NXPH1: variants seen among roughly 807,000 people sequenced by gnomAD.
NXPH1 encodes the protein neurexophilin-1.
NXPH1 carries 5 observed loss-of-function variants against 23.7 expected under a neutral mutation model. That is an observed-to-expected ratio of 0.21 (90% CI 0.11 to 0.44). The LOEUF (loss-of-function observed/expected upper bound fraction) is 0.44, where lower values mean the gene tolerates loss of function less well. Ranked by LOEUF, NXPH1 falls within the 20% of genes least tolerant of loss-of-function variation. NXPH1 has a pLI of 0.99. For synonymous variants in NXPH1, 144 were observed against 122.2 expected (o/e 1.18, Z -1.18); for missense variants, 324 against 321.6 (o/e 1.01, Z -0.06).
chr7:8,544,548 A>C (rs929954171), intron 2 of NXPH1, among the ~76,000 whole-genome samples: 3 of 151,706 alleles, frequency 2.0e-5, no homozygotes, highest in Admixed American at 2.0e-4. Context: ...GGCATATGCC[A>C]TAAACAAAAG....
At chr7:8,695,354 G>T (rs1029431389) in intron 2 of NXPH1, among the ~76,000 whole-genome samples, 2 of 152,172 alleles carry the variant, frequency 1.3e-5, no homozygotes, top group African/African-American at 4.8e-5. Context: ...GATTGATGGA[G>T]CCAGTTTTCA....
At chr7:8,683,401 G>GA (rs1821088734) in intron 2 of NXPH1, among the ~76,000 whole-genome samples, 1 of 152,072 alleles carries the variant, frequency 6.6e-6, no homozygotes, top group Non-Finnish European at 1.5e-5. Context: ...TAGTGTCTTA[G>GA]AAAAAGAGTG....
intron 2 of NXPH1, among the ~76,000 whole-genome samples, chr7:8,480,422 A>G (rs1441102411): frequency 6.6e-6 from 1 of 152,204 alleles, no homozygotes; most frequent in Non-Finnish European, 1.5e-5. Context: ...TTACCTGGGT[A>G]TGCCCAATGC....
intron 2 of NXPH1, among the ~76,000 whole-genome samples, chr7:8,693,173 C>T (rs536688776): frequency 1.8e-4 from 28 of 152,102 alleles, no homozygotes; most frequent in African/African-American, 3.9e-4. Context: ...CAACCCCCGC[C>T]GCCAAAACAA....
intron 2 of NXPH1, among the ~76,000 whole-genome samples, chr7:8,471,489 C>G (rs143891654): frequency 1.2e-3 from 187 of 152,208 alleles, no homozygotes; most frequent in African/African-American, 4.2e-3. Flanking sequence ...ATGGGGACTG[C>G]TGAATCAATG....
chr7:8,475,125 C>T (rs6947705), intron 2 of NXPH1, among the ~76,000 whole-genome samples: 2,793 of 152,146 alleles, frequency 0.018, 91 homozygotes, highest in African/African-American at 0.063. Flanking sequence ...TTCTCTTTGC[C>T]TTTTCACCTC....
At chr7:8,480,667 C>G (rs549341076) in intron 2 of NXPH1, among the ~76,000 whole-genome samples, 1 of 152,166 alleles carries the variant, frequency 6.6e-6, no homozygotes, top group African/African-American at 2.4e-5. Context: ...ATGACTGCAA[C>G]AGCTGTACTT....
chr7:8,655,188 C>G (rs143655107), intron 2 of NXPH1, among the ~76,000 whole-genome samples: 1 of 152,016 alleles, frequency 6.6e-6, no homozygotes, highest in South Asian at 2.1e-4. Flanking sequence ...AACTCGAGAC[C>G]AGCCTGGGCA....
At chr7:8,704,274 G>A (rs1779670851) in intron 2 of NXPH1, among the ~76,000 whole-genome samples, 1 of 152,012 alleles carries the variant, frequency 6.6e-6, no homozygotes, top group African/African-American at 2.4e-5. Flanking sequence ...AACTTCTGTG[G>A]CATACTATGA....
intron 2 of NXPH1, among the ~76,000 whole-genome samples, chr7:8,467,759 C>G (rs745633186): frequency 6.6e-6 from 1 of 152,098 alleles, no homozygotes; most frequent in Non-Finnish European, 1.5e-5. Context: ...AGATAGCAAC[C>G]TCTTTCAATT....
chr7:8,506,795 A>G (rs1817530494), intron 2 of NXPH1, among the ~76,000 whole-genome samples: 2 of 152,042 alleles, frequency 1.3e-5, no homozygotes. Flanking sequence ...CAGAGGGTAC[A>G]TGGAACATTA....
chr7:8,598,489 C>T (rs995675521), intron 2 of NXPH1, among the ~76,000 whole-genome samples: 1 of 152,154 alleles, frequency 6.6e-6, no homozygotes, highest in South Asian at 2.1e-4. Context: ...TCCCCTCTCT[C>T]CCGCAACTAG....
At chr7:8,740,631 T>C (rs531556817) in intron 2 of NXPH1, among the ~76,000 whole-genome samples, 4 of 152,320 alleles carry the variant, frequency 2.6e-5, no homozygotes, top group Non-Finnish European at 5.9e-5. Context: ...TTTTCCATTG[T>C]TAATGCAGCT....
chr7:8,444,852 T>C lies in NXPH1; in HGVS notation c.54+9085T>C, dbSNP rs1028083761. Among the ~76,000 whole-genome samples the C allele has an allele frequency of 2.0e-5, 3 of 152,274 alleles. No individual in the cohort carries two copies. In the East Asian group the frequency reaches 5.8e-4, roughly 29 times the overall value. ...ACATTAATGAGAACAAAATTAAAAA[T>C]TATGGCCTTCCAGGCATTAAAGTAA... On this transcript the variant is annotated intron_variant, in intron 2 of 2. Coordinates refer to ENST00000405863, the MANE Select transcript of NXPH1 (RefSeq NM_152745.3).
chr7:8,474,623 C>A (rs1373477570), intron 2 of NXPH1, among the ~76,000 whole-genome samples: 1 of 152,092 alleles, frequency 6.6e-6, no homozygotes, highest in Non-Finnish European at 1.5e-5. Context: ...TATAGTTGAT[C>A]ATTATATTGT....
At chr7:8,520,321 C>T (rs770568469) in intron 2 of NXPH1, among the ~76,000 whole-genome samples, 1 of 152,176 alleles carries the variant, frequency 6.6e-6, no homozygotes, top group Non-Finnish European at 1.5e-5. Context: ...AGGGGAAAAG[C>T]AGCAGCATTT....
intron 2 of NXPH1, among the ~76,000 whole-genome samples, chr7:8,597,382 G>A (rs993715130): frequency 1.3e-5 from 2 of 152,020 alleles, no homozygotes; most frequent in Non-Finnish European, 2.9e-5. Context: ...AAGATAATGG[G>A]GGTGGGCAAG....
intron 2 of NXPH1, among the ~76,000 whole-genome samples, chr7:8,631,708 A>G (rs751361918): frequency 1.3e-5 from 2 of 152,198 alleles, no homozygotes; most frequent in Non-Finnish European, 2.9e-5. Flanking sequence ...TGTTGATAGC[A>G]CTTGCAGGTG....
At chr7:8,496,804 A>C (rs1472730775) in intron 2 of NXPH1, among the ~76,000 whole-genome samples, 1 of 152,240 alleles carries the variant, frequency 6.6e-6, no homozygotes, top group East Asian at 1.9e-4. Flanking sequence ...ATGCTCAGAT[A>C]TATCTATTTA....
Sources: gnomAD v4.1 joint callset for allele counts (sites outside exome capture counted in the v4.1 genomes callset) on GRCh38, gnomAD v4.1.1 for gene constraint, MANE v1.5 for transcripts, NCBI Gene and HGNC (gene_info 2026-07-23, HGNC 2026-07-21) for gene names.